Variants in COPG2 observed in about 807,000 individuals in gnomAD.
COPG2 encodes coatomer subunit gamma-2.
Under a neutral mutation model 46.3 loss-of-function variants are expected in COPG2, and 37 were observed. The ratio of observed to expected loss-of-function variants is 0.80; its 90% confidence interval spans 0.61 to 1.05. The LOEUF (loss-of-function observed/expected upper bound fraction) is 1.05, where lower values mean the gene tolerates loss of function less well. Among genes scored for constraint, COPG2 ranks in the 50% least tolerant of loss-of-function variants. The probability of loss-of-function intolerance (pLI) is 0.00; values close to 1 mark genes in which losing one functional copy is unlikely to be tolerated. For missense variants in COPG2, 427 were observed against 387.8 expected, an observed-to-expected ratio of 1.10 and a Z score of -0.85; for synonymous variants, 159 against 129.7, an observed-to-expected ratio of 1.23 and a Z score of -1.53.
At chr7:130,507,966 A>C (rs374170264) in intron 21 of COPG2, 143 bp from the exon 22 acceptor site, 3 of 627,612 alleles carry the variant, frequency 4.8e-6, no homozygotes, top group South Asian at 3.9e-5. Flanking sequence ...GATAAATCTA[A>C]TGTTGTAGCC....
intron 5 of COPG2, chr7:130,645,413 G>T: frequency 2.1e-6 from 1 of 476,522 alleles, no homozygotes; most frequent in Non-Finnish European, 4.1e-6. Flanking sequence ...ACCCGTCGGT[G>T]TCCATGGGGT....
In COPG2 at chr7:130,593,424, T is replaced by C. The variant is rs529151568; in HGVS notation, c.737+17529A>G. The stretch of plus-strand genomic sequence containing the variant: ...TTAAGTAATCCCTGATGAAATTATA[T>C]AGACACACACAGAGAAGTAATGATG... On this transcript the variant is annotated intron_variant, in intron 9 of 23. Transcript: ENST00000425248. 2.0e-4 allele frequency among the ~76,000 whole-genome samples: 30 copies of C among 152,314 alleles called. No homozygotes were observed. In the East Asian group the frequency reaches 5.0e-3, roughly 25 times the overall value.
At chr7:130,629,140 T>C (rs1795176004) in intron 5 of COPG2, among the ~76,000 whole-genome samples, 1 of 152,204 alleles carries the variant, frequency 6.6e-6, no homozygotes, top group Non-Finnish European at 1.5e-5. Context: ...AAAAAAACAG[T>C]CTACTATAAT....
chr7:130,549,435 T>C, intron 17 of COPG2, 59 bp from the exon 18 acceptor site: 1 of 398,424 alleles, frequency 2.5e-6, no homozygotes, highest in Non-Finnish European at 4.4e-6. Context: ...AAGCTAGCAA[T>C]GCAGACAGAA....
chr7:130,549,461 C>T, intron 17 of COPG2, 85 bp from the exon 18 acceptor site: 1 of 397,906 alleles, frequency 2.5e-6, no homozygotes, highest in Non-Finnish European at 4.4e-6. Flanking sequence ...GGAGAGCAGA[C>T]ATTTCTAGCA....
chr7:130,665,516 T>C lies in COPG2; in HGVS notation c.171+1333A>G, dbSNP rs140095891. ...TATGTTTGTACTGAACACGTACAGA[T>C]GGTTTTTTGTCATTATTCCCTAAAC... On this transcript the variant is annotated intron_variant, in intron 3 of 23. Coordinates refer to ENST00000425248, the MANE Select transcript of COPG2 (RefSeq NM_012133.6). Among the ~76,000 whole-genome samples the C allele has an allele frequency of 5.1e-4, 77 of 152,230 alleles. 1 individual carries two copies. In the East Asian group the frequency reaches 0.013, roughly 27 times the overall value.
chr7:130,559,606 A>G (rs1793686916), intron 12 of COPG2, among the ~76,000 whole-genome samples: 1 of 152,212 alleles, frequency 6.6e-6, no homozygotes, highest in Non-Finnish European at 1.5e-5. Context: ...GAGGAATCAT[A>G]GAGACCACTG....
intron 20 of COPG2, among the ~76,000 whole-genome samples, chr7:130,513,321 A>ATATGTGTGTGTGTGTGTGTG (rs1554441296): frequency 2.3e-5 from 1 of 42,718 alleles, no homozygotes; most frequent in East Asian, 7.1e-4. Context: ...ATATATATAT[A>ATATGTGTGTGTGTGTGTGTG]TATATATATA....
chr7:130,629,603 C>T (rs1241209569), intron 5 of COPG2, among the ~76,000 whole-genome samples: 3 of 152,114 alleles, frequency 2.0e-5, no homozygotes, highest in Non-Finnish European at 4.4e-5. Flanking sequence ...GCCAAGTTGG[C>T]CAGGCTGGTC....
At chr7:130,600,498 G>A (rs1322468522) in intron 9 of COPG2, among the ~76,000 whole-genome samples, 1 of 151,986 alleles carries the variant, frequency 6.6e-6, no homozygotes. Flanking sequence ...CCTGGGCTCA[G>A]GCAATCCACT....
intron 1 of COPG2, 124 bp downstream of exon 1, chr7:130,668,508 A>G: frequency 2.6e-6 from 2 of 782,934 alleles, no homozygotes; most frequent in Non-Finnish European, 3.6e-6. Context: ...GGCCGGCTCC[A>G]GCTCCGGCCC....
chr7:130,562,130 G>A (rs1461717285), intron 11 of COPG2, among the ~76,000 whole-genome samples: 1 of 152,206 alleles, frequency 6.6e-6, no homozygotes, highest in African/African-American at 2.4e-5. Flanking sequence ...AGGCCGAGGT[G>A]GGCAGATCAC....
At chr7:130,528,454 G>A (rs1306388893) in intron 20 of COPG2, among the ~76,000 whole-genome samples, 9 of 152,004 alleles carry the variant, frequency 5.9e-5, no homozygotes, top group Admixed American at 2.6e-4. Flanking sequence ...TGCAGTACGT[G>A]TGATGCAGAG....
At chr7:130,590,327 T>C (rs1308948288) in intron 9 of COPG2, among the ~76,000 whole-genome samples, 1 of 152,166 alleles carries the variant, frequency 6.6e-6, no homozygotes, top group Non-Finnish European at 1.5e-5. Flanking sequence ...ACTGTGCTGC[T>C]GCCATCTCGG....
chr7:130,668,201 C>G (rs1299507959), intron 1 of COPG2, among the ~76,000 whole-genome samples: 1 of 152,120 alleles, frequency 6.6e-6, no homozygotes, highest in East Asian at 1.9e-4. Flanking sequence ...GTACCAGGCA[C>G]CTGAACGTTC....
intron 4 of COPG2, among the ~76,000 whole-genome samples, chr7:130,656,722 T>G (rs1458473898): frequency 6.6e-6 from 1 of 152,068 alleles, no homozygotes; most frequent in African/African-American, 2.4e-5. Context: ...TACTATCTAC[T>G]TTAGGGGTAA....
intron 12 of COPG2, 112 bp downstream of exon 12, chr7:130,560,921 T>C (rs985282916): frequency 2.0e-5 from 8 of 396,998 alleles, no homozygotes; most frequent in African/African-American, 1.2e-4. Flanking sequence ...AAAAAATTGA[T>C]AAATTAGACT....
At chr7:130,570,211 A>C (rs1793872459) in intron 9 of COPG2, among the ~76,000 whole-genome samples, 1 of 152,200 alleles carries the variant, frequency 6.6e-6, no homozygotes, top group African/African-American at 2.4e-5. Flanking sequence ...CAGAGCAATC[A>C]AACAAGAGAA....
chr7:130,601,459 T>C (rs1794630013), intron 9 of COPG2, among the ~76,000 whole-genome samples: 2 of 152,226 alleles, frequency 1.3e-5, no homozygotes, highest in African/African-American at 2.4e-5. Context: ...GTGGCACATA[T>C]ACACCATGTA....
Sources: gnomAD v4.1 joint callset for allele counts (sites outside exome capture counted in the v4.1 genomes callset) on GRCh38, gnomAD v4.1.1 for gene constraint, MANE v1.5 for transcripts, NCBI Gene and HGNC (gene_info 2026-07-23, HGNC 2026-07-21) for gene names.